Variants in CNTNAP5 observed in about 807,000 individuals in gnomAD.
CNTNAP5 encodes the protein contactin associated protein family member 5, also known as contactin-associated protein-like 5.
CNTNAP5 carries 72 observed loss-of-function variants against 150.2 expected under a neutral mutation model. The ratio of observed to expected loss-of-function variants is 0.48; its 90% CI spans 0.40 to 0.58. CNTNAP5 has a LOEUF of 0.58. Among genes scored for constraint, CNTNAP5 ranks in the 20% least tolerant of loss-of-function variants. The pLI is 0.00. For missense variants in CNTNAP5, 1,636 were observed against 1,626.2 expected (o/e 1.01, Z -0.10); for synonymous variants, 672 against 619.8 (o/e 1.08, Z -1.25).
At chr2:124,091,983 G>A (rs1172564964) in intron 1 of CNTNAP5, among the ~76,000 whole-genome samples, 3 of 152,156 alleles carry the variant, frequency 2.0e-5, no homozygotes, top group Non-Finnish European at 4.4e-5. Flanking sequence ...TGCCTTCTTT[G>A]TGTCGATCTG....
At chr2:124,556,960 TTGTACAAA>T (rs1695770104) in intron 10 of CNTNAP5, among the ~76,000 whole-genome samples, 3 of 151,742 alleles carry the variant, frequency 2.0e-5, no homozygotes, top group Admixed American at 1.3e-4. Flanking sequence ...TCTATCAAAA[TTGTACAAA>T]GATTTTATCA....
chr2:124,441,876 T>C (rs1434626501), intron 5 of CNTNAP5, among the ~76,000 whole-genome samples: 3 of 151,868 alleles, frequency 2.0e-5, no homozygotes, highest in African/African-American at 7.3e-5. Flanking sequence ...TATATATATA[T>C]GTACTAAGTA....
At chr2:124,553,375 G>A (rs987892712) in intron 10 of CNTNAP5, among the ~76,000 whole-genome samples, 2 of 151,974 alleles carry the variant, frequency 1.3e-5, no homozygotes, top group Non-Finnish European at 2.9e-5. Flanking sequence ...ACACTGGCGC[G>A]TGCCTGTAAT....
At chr2:124,267,584 T>C (rs532038329) in intron 3 of CNTNAP5, among the ~76,000 whole-genome samples, 56 of 152,312 alleles carry the variant, frequency 3.7e-4, no homozygotes, top group African/African-American at 1.3e-3. Context: ...CCTGTTTCTG[T>C]ACTCATTTAT....
At chr2:124,357,749 C>T (rs1209629520) in intron 3 of CNTNAP5, among the ~76,000 whole-genome samples, 4 of 143,068 alleles carry the variant, frequency 2.8e-5, no homozygotes, top group Non-Finnish European at 3.1e-5. Context: ...GTGATGCCTC[C>T]AGCTTTGTTC....
intron 3 of CNTNAP5, among the ~76,000 whole-genome samples, chr2:124,358,148 G>C (rs1188714420): frequency 6.6e-6 from 1 of 152,158 alleles, no homozygotes; most frequent in Non-Finnish European, 1.5e-5. Flanking sequence ...TTTGTACATT[G>C]ATTTTGTATC....
chr2:124,597,552 C>G (rs1369519626), intron 11 of CNTNAP5, among the ~76,000 whole-genome samples: 1 of 151,160 alleles, frequency 6.6e-6, no homozygotes, highest in African/African-American at 2.4e-5. Flanking sequence ...GTAACCCGAA[C>G]TTTTTCTCTG....
chr2:124,837,197 TA>T (rs1682848009), intron 19 of CNTNAP5, among the ~76,000 whole-genome samples: 2 of 149,704 alleles, frequency 1.3e-5, no homozygotes, highest in African/African-American at 4.9e-5. Flanking sequence ...AAAAAAAGGT[TA>T]AATGCAGATT....
At chr2:124,383,782 A>G (rs1690862827) in intron 3 of CNTNAP5, among the ~76,000 whole-genome samples, 1 of 152,208 alleles carries the variant, frequency 6.6e-6, no homozygotes, top group Admixed American at 6.5e-5. Context: ...AGTGTATTTT[A>G]TCATTTACTA....
chr2:124,510,251 C>G lies in CNTNAP5; in HGVS notation c.1327+5695C>G, dbSNP rs572128307. On this transcript the variant is annotated intron_variant, in intron 8 of 23. Coordinates refer to ENST00000682447, the MANE Select transcript of CNTNAP5 (RefSeq NM_001367498.1). ...AAATTATATATCTATATATCTATATCTATATCTATATATCTATATATCTAT... is the reference window on the plus strand; with the variant it reads ...AAATTATATATCTATATATCTATATGTATATCTATATATCTATATATCTAT... Among the ~76,000 whole-genome samples the G allele has an allele frequency of 9.9e-4, 124 of 125,672 alleles. 1 individual carries two copies. Among genetic ancestry groups the G allele is most frequent in the African/African-American group, 4.0e-3 (120 of 30,340 alleles). The allele number at this position is 125,672 out of a possible 152,430, so 82.4% of individuals were successfully genotyped here.
chr2:124,593,206 A>G (rs1696741216), intron 11 of CNTNAP5, among the ~76,000 whole-genome samples: 1 of 146,386 alleles, frequency 6.8e-6, no homozygotes, highest in Non-Finnish European at 1.5e-5. Flanking sequence ...ACATATGTAT[A>G]CATGTGCCAT....
At chr2:124,465,438 C>G (rs143081984) in intron 6 of CNTNAP5, among the ~76,000 whole-genome samples, 2 of 152,168 alleles carry the variant, frequency 1.3e-5, no homozygotes, top group African/African-American at 4.8e-5. Flanking sequence ...ATGCCAAGAC[C>G]AAGCAAGCAA....
intron 3 of CNTNAP5, among the ~76,000 whole-genome samples, chr2:124,362,765 G>C (rs1477248019): frequency 6.6e-6 from 1 of 152,130 alleles, no homozygotes; most frequent in African/African-American, 2.4e-5. Flanking sequence ...GAAGAGTTCA[G>C]TTCCCTTAGC....
intron 3 of CNTNAP5, among the ~76,000 whole-genome samples, chr2:124,336,316 A>G (rs1689465948): frequency 1.3e-5 from 2 of 152,174 alleles, no homozygotes; most frequent in Non-Finnish European, 2.9e-5. Context: ...CTGGAAACTG[A>G]ACACACAAAT....
At chr2:124,108,672 T>C (rs1683222745) in intron 1 of CNTNAP5, among the ~76,000 whole-genome samples, 1 of 152,186 alleles carries the variant, frequency 6.6e-6, no homozygotes, top group Non-Finnish European at 1.5e-5. Flanking sequence ...CCAAATTTAG[T>C]CACTTAGATA....
At chr2:124,907,611 A>G (rs1445336967) in intron 22 of CNTNAP5, among the ~76,000 whole-genome samples, 1 of 149,938 alleles carries the variant, frequency 6.7e-6, no homozygotes, top group African/African-American at 2.4e-5. Context: ...ATCAAGATCT[A>G]TATATATGAT....
chr2:124,464,222 T>C (rs6750010), intron 6 of CNTNAP5, among the ~76,000 whole-genome samples: 70,601 of 151,752 alleles, frequency 0.47, 16,556 homozygotes, highest in Middle Eastern at 0.59. Context: ...TGTCAGGACA[T>C]GGATGAAGCA....
intron 6 of CNTNAP5, among the ~76,000 whole-genome samples, chr2:124,454,922 A>C (rs1693082776): frequency 6.6e-6 from 1 of 152,134 alleles, no homozygotes; most frequent in Admixed American, 6.5e-5. Context: ...TCATAGCCCT[A>C]AACAACTACA....
intron 2 of CNTNAP5, among the ~76,000 whole-genome samples, chr2:124,231,282 A>G (rs1314744153): frequency 2.0e-5 from 3 of 152,192 alleles, no homozygotes; most frequent in Admixed American, 1.3e-4. Context: ...ATTAAAAAGA[A>G]GGAATTGTGT....
Sources: gnomAD v4.1 joint callset for allele counts (sites outside exome capture counted in the v4.1 genomes callset) on GRCh38, gnomAD v4.1.1 for gene constraint, MANE v1.5 for transcripts, NCBI Gene and HGNC (gene_info 2026-07-23, HGNC 2026-07-21) for gene names.